The following ADD1 variants were observed in gnomAD, a reference collection of about 807,000 sequenced individuals.
ADD1 encodes alpha-adducin.
In ADD1, 24 loss-of-function variants were observed where a neutral mutation model predicts 80.5. The observed-to-expected ratio is 0.30, with a 90% CI of 0.22 to 0.42. The LOEUF is 0.42. Ranked by LOEUF, ADD1 falls within the 10% of genes least tolerant of loss-of-function variation. The pLI, the probability that ADD1 is intolerant of heterozygous loss-of-function variation, is 1.00. For missense variants in ADD1, 948 were observed against 1,019.0 expected, an observed-to-expected ratio of 0.93 and a Z score of 0.95; for synonymous variants, 373 against 393.8, an observed-to-expected ratio of 0.95 and a Z score of 0.63.
intron 10 of ADD1, among the ~76,000 whole-genome samples, chr4:2,906,847 C>CT (rs1351255169): frequency 2.0e-5 from 3 of 152,086 alleles, no homozygotes; most frequent in African/African-American, 7.2e-5. Context: ...GGTTTTGTTG[C>CT]TTTTTTTAAA....
Position 2,914,949 on chromosome 4 carries a change from C to T in ADD1, c.1857C>T (p.Ser619=), listed in dbSNP as rs781764342. 6.2e-7 allele frequency: 1 copy of T among 1,614,144 alleles called. No homozygotes were observed. Among genetic ancestry groups the T allele is most frequent in the Admixed American group, 1.7e-5 (1 of 60,018 alleles). Residue 619 remains serine (S), a synonymous_variant, in exon 14 of 16, where the codon AGC becomes AGT. Coordinates refer to ENST00000683351, the MANE Select transcript of ADD1 (RefSeq NM_001354761.2). ...AGTACCAGCCCCACGTCATTGTGAG[C>T]ACCACGGGCCCCAACCCCTTCACCA... The part of the protein sequence containing the change: ...EKEYQPHVIV[S]TTGPNPFTTL...
At chr4:2,885,896 C>T (rs934926471) in intron 4 of ADD1, among the ~76,000 whole-genome samples, 6 of 152,114 alleles carry the variant, frequency 3.9e-5, no homozygotes, top group Non-Finnish European at 5.9e-5. Context: ...AGGCGTGAGC[C>T]ACCCTGCCCG....
At chr4:2,857,707 G>A (rs540165307) in intron 1 of ADD1, among the ~76,000 whole-genome samples, 3 of 152,162 alleles carry the variant, frequency 2.0e-5, no homozygotes, top group Non-Finnish European at 4.4e-5. Flanking sequence ...TGTACAAAAG[G>A]TGTATTCAGT....
intron 1 of ADD1, among the ~76,000 whole-genome samples, chr4:2,869,629 T>A (rs1203280599): frequency 6.6e-6 from 1 of 152,204 alleles, no homozygotes; most frequent in African/African-American, 2.4e-5. Context: ...ATGGACACTT[T>A]CCCCCTGCTG....
In ADD1 at chr4:2,870,494, G is replaced by C. The variant is rs140526528; in HGVS notation, c.-20-5402G>C. Among the ~76,000 whole-genome samples the C allele has an allele frequency of 1.6e-3, 244 of 151,218 alleles. 1 individual carries two copies. The highest frequency in any genetic ancestry group is 5.6e-3 in the African/African-American group (232 of 41,324). On this transcript the variant is annotated intron_variant, in intron 1 of 15. Coordinates refer to ENST00000683351, the MANE Select transcript of ADD1 (RefSeq NM_001354761.2). ...GCAAGAATTTGTATAATGCAACAGA[G>C]AGTGCTGTTCAGTCAGGATTTTCTT...
rs200807028 is a variant in ADD1 at position 2,899,843 on chromosome 4, G to GT, written c.1161+410dup. 746 of 327,320 alleles carry GT rather than the reference G, an allele frequency of 2.3e-3. 5 individuals carry two copies. In the Middle Eastern group the frequency reaches 0.026, roughly 11 times the overall value. 20.3% of individuals were successfully genotyped at this position (327,320 alleles called of 1,614,324 possible). A position where few individuals can be genotyped will look rare whatever the true frequency, so the allele number is the denominator to read the frequency against. ...TGGCTGTCTGGGGCCTGATGACTGT[G>GT]TTCCATGGGTATCCACTCCCTGTCC... On this transcript the variant is annotated intron_variant, in intron 9 of 15. Coordinates refer to ENST00000683351, the MANE Select transcript of ADD1 (RefSeq NM_001354761.2).
chr4:2,854,086 C>A (rs1360728588), intron 1 of ADD1, among the ~76,000 whole-genome samples: 6 of 152,022 alleles, frequency 3.9e-5, no homozygotes, highest in Non-Finnish European at 7.4e-5. Context: ...CTTTAGGAGG[C>A]TGAGGTGGGC....
In ADD1 at chr4:2,847,550, A is replaced by G. The variant is rs112101014; in HGVS notation, c.-21+3526A>G. On this transcript the variant is annotated intron_variant, in intron 1 of 15. Transcript: ENST00000683351. ...ACACCGTACACATTTCAGTCTCAGA[A>G]CAAGATGAACACGTGAACCTCGAAA... Among the ~76,000 whole-genome samples, 657 of 152,310 alleles carry G rather than the reference A, an allele frequency of 4.3e-3. 1 individual carries two copies. The highest frequency in any genetic ancestry group is 7.0e-3 in the Non-Finnish European group (478 of 68,016).
At chr4:2,911,431 CATAT>C (rs1553848842) in intron 13 of ADD1, among the ~76,000 whole-genome samples, 9 of 140,870 alleles carry the variant, frequency 6.4e-5, no homozygotes, top group Non-Finnish European at 1.2e-4. Flanking sequence ...ACCTGAAATA[CATAT>C]ATATATATAT....
chr4:2,882,346 AAAT>A (rs1732498196), intron 3 of ADD1, among the ~76,000 whole-genome samples: 1 of 152,146 alleles, frequency 6.6e-6, no homozygotes, highest in South Asian at 2.1e-4. Flanking sequence ...AAACTAATAG[AAAT>A]AATGCTGTGG....
intron 13 of ADD1, 60 bp downstream of exon 13, chr4:2,909,491 T>G: frequency 3.2e-6 from 3 of 937,754 alleles, no homozygotes; most frequent in Non-Finnish European, 4.3e-6. Context: ...CCCTCCCCCC[T>G]CCCCGTCTCC....
Position 2,904,831 on chromosome 4 carries a change from T to G in ADD1, c.1229T>G (p.Val410Gly). ...GAGAAGTCTAAAAAATACAGCGATG[T>G]GGAGGTTCCTGCTAGTGTCACAGGT... ...LREKSKKYSD[V>G]EVPASVTGYS... Residue 410 changes from valine (V) to glycine (G), a missense_variant, in exon 10 of 16, where the codon GTG becomes GGG. Coordinates refer to ENST00000683351, the MANE Select transcript of ADD1 (RefSeq NM_001354761.2). 6.2e-7 allele frequency: 1 copy of G among 1,614,208 alleles called. No individual in the cohort carries two copies.
intron 4 of ADD1, among the ~76,000 whole-genome samples, chr4:2,893,061 T>G (rs1734577846): frequency 6.6e-6 from 1 of 151,882 alleles, no homozygotes; most frequent in Non-Finnish European, 1.5e-5. Context: ...GGACTACAGG[T>G]GCCTGCCACC....
chr4:2,852,080 C>T (rs1727172827), intron 1 of ADD1, among the ~76,000 whole-genome samples: 1 of 152,206 alleles, frequency 6.6e-6, no homozygotes, highest in East Asian at 1.9e-4. Context: ...AGGTGATCTG[C>T]CCGCCTCAGC....
intron 1 of ADD1, among the ~76,000 whole-genome samples, chr4:2,847,914 T>A (rs1056990038): frequency 6.6e-6 from 1 of 152,052 alleles, no homozygotes; most frequent in Non-Finnish European, 1.5e-5. Flanking sequence ...GGGATGACTT[T>A]GAATAGAGTG....
intron 14 of ADD1, among the ~76,000 whole-genome samples, chr4:2,916,970 A>G (rs1432430521): frequency 4.6e-5 from 7 of 151,976 alleles, no homozygotes; most frequent in Non-Finnish European, 1.0e-4. Flanking sequence ...ACTCTTTCGT[A>G]TTGTGCATAG....
intron 1 of ADD1, among the ~76,000 whole-genome samples, chr4:2,862,960 A>G (rs1394307421): frequency 6.6e-6 from 1 of 152,154 alleles, no homozygotes; most frequent in East Asian, 1.9e-4. Flanking sequence ...GTTGCATTTG[A>G]AAAGTTGCAT....
chr4:2,856,723 T>A (rs1197772154), intron 1 of ADD1, among the ~76,000 whole-genome samples: 1 of 147,264 alleles, frequency 6.8e-6, no homozygotes, highest in Non-Finnish European at 1.5e-5. Context: ...TCCAAGTAGC[T>A]GGGACTACAG....
rs372048336 is a variant in ADD1 at position 2,926,640 on chromosome 4, A to G, written c.2047+528A>G. 2 of 1,613,748 alleles carry G rather than the reference A, an allele frequency of 1.2e-6. No homozygotes were observed. Among genetic ancestry groups the G allele is most frequent in the African/African-American group, 2.7e-5 (2 of 74,906 alleles). On this transcript the variant is annotated intron_variant, in intron 15 of 15. Transcript: ENST00000683351. The surrounding 1 kb of genome is among the most constrained non-coding windows in gnomAD (Gnocchi z 5.0). Reference sequence around the variant, plus strand: ...TTCTCCCTGTGGCTGCGTCACAAGCAGGAGACGGATGCGCTAGAGAGTACC... The same window carrying G: ...TTCTCCCTGTGGCTGCGTCACAAGCGGGAGACGGATGCGCTAGAGAGTACC...
Sources: allele counts gnomAD v4.1 joint callset (sites outside exome capture counted in the v4.1 genomes callset), GRCh38; gene constraint gnomAD v4.1.1; non-coding constraint Gnocchi (gnomAD v3.1); transcripts MANE v1.5; gene names NCBI Gene and HGNC (gene_info 2026-07-23, HGNC 2026-07-21).